Variants in PTPRD observed in about 807,000 individuals in gnomAD.
The protein encoded by PTPRD is protein tyrosine phosphatase receptor type D.
Under a neutral mutation model 214.5 loss-of-function variants are expected in PTPRD, and 34 were observed. The observed-to-expected ratio is 0.16, with a 90% CI of 0.12 to 0.21. The LOEUF is 0.21. PTPRD is among the 10% of genes least tolerant of loss of function. The pLI is 1.00. For missense variants in PTPRD, 2,545 were observed against 2,398.7 expected (o/e 1.06, Z -1.27); for synonymous variants, 1,128 against 845.7 (o/e 1.33, Z -5.79).
intron 8 of PTPRD, among the ~76,000 whole-genome samples, chr9:9,436,987 C>A (rs767854919): frequency 3.9e-5 from 6 of 152,012 alleles, no homozygotes; most frequent in Non-Finnish European, 8.8e-5. Flanking sequence ...CTTTCTTCAC[C>A]CTTCTATCCG....
chr9:9,635,064 C>A (rs1269313000), intron 7 of PTPRD, among the ~76,000 whole-genome samples: 2 of 152,058 alleles, frequency 1.3e-5, no homozygotes, highest in African/African-American at 4.8e-5. Context: ...TAGGACATAT[C>A]CTTACTATTT....
Position 10,375,068 on chromosome 9 carries a change from TTCTTTATGTAAA to T in PTPRD, c.-599-34063_-599-34052del, listed in dbSNP as rs137957974. On this transcript the variant is annotated intron_variant, in intron 2 of 45. Transcript: ENST00000381196. ...ACTGGGTTGCTTATATTAAAATAGG[TTCTTTATGTAAA>T]TTGGCTGGATCAATAAGCAAGGTTC... 6.1e-3 allele frequency among the ~76,000 whole-genome samples: 924 copies of T among 152,126 alleles called. 5 individuals carry two copies. The highest frequency in any genetic ancestry group is 8.7e-3 in the Non-Finnish European group (591 of 67,962).
At chr9:10,408,370 T>C (rs2098398567) in intron 2 of PTPRD, among the ~76,000 whole-genome samples, 2 of 151,618 alleles carry the variant, frequency 1.3e-5, no homozygotes, top group South Asian at 2.1e-4. Context: ...TCTTTCACTA[T>C]GTCCATGGAT....
intron 9 of PTPRD, among the ~76,000 whole-genome samples, chr9:9,222,018 A>G (rs944528856): frequency 3.3e-5 from 5 of 152,240 alleles, no homozygotes; most frequent in African/African-American, 9.6e-5. Context: ...AAAATTCATA[A>G]TAAAAGCAAG....
intron 3 of PTPRD, among the ~76,000 whole-genome samples, chr9:10,112,375 G>T (rs2098698500): frequency 6.6e-6 from 1 of 151,972 alleles, no homozygotes; most frequent in African/African-American, 2.4e-5. Context: ...AAAACAAATG[G>T]GCATATTATT....
At chr9:9,112,615 G>A (rs1167926098) in intron 10 of PTPRD, among the ~76,000 whole-genome samples, 2 of 152,074 alleles carry the variant, frequency 1.3e-5, no homozygotes, top group Non-Finnish European at 2.9e-5. Flanking sequence ...TGCAAACCTC[G>A]ACTAATTCTC....
chr9:9,496,374 A>C (rs2096188029), intron 8 of PTPRD, among the ~76,000 whole-genome samples: 1 of 152,132 alleles, frequency 6.6e-6, no homozygotes, highest in East Asian at 1.9e-4. Context: ...GAACTCCTAA[A>C]ACTCAACAAC....
intron 12 of PTPRD, among the ~76,000 whole-genome samples, chr9:8,653,677 C>G (rs749854013): frequency 7.2e-5 from 11 of 152,172 alleles, no homozygotes; most frequent in Admixed American, 2.0e-4. Flanking sequence ...CTTCACTACT[C>G]TCCAGCAATC....
In PTPRD at chr9:8,507,357, A is replaced by T; in HGVS notation, c.1621T>A (p.Ser541Thr). ...AGTTCATAGTTGGCAATGGTATCTG[A>T]ACGTGGAGGTGTCCAAGAGAGCAAA... ...SILLSWTPPR[S>T]DTIANYELVY... Residue 541 changes from serine (S) to threonine (T), a missense_variant, in exon 22 of 46, where the codon TCA (serine) becomes ACA (threonine). Ser to Thr is a moderately conservative substitution (Grantham distance 58). Coordinates refer to ENST00000381196, the MANE Select transcript of PTPRD (RefSeq NM_002839.4). The T allele has an allele frequency of 6.2e-7, 1 of 1,613,998 alleles. No homozygotes were observed.
chr9:9,477,256 G>A (rs934123117), intron 8 of PTPRD, among the ~76,000 whole-genome samples: 3 of 152,138 alleles, frequency 2.0e-5, no homozygotes, highest in Admixed American at 6.5e-5. Flanking sequence ...ACTACCTTCA[G>A]TTCTGATGTG....
intron 2 of PTPRD, among the ~76,000 whole-genome samples, chr9:10,550,211 A>AT (rs1318124167): frequency 6.6e-6 from 1 of 152,220 alleles, no homozygotes; most frequent in African/African-American, 2.4e-5. Flanking sequence ...ATTCTTCACT[A>AT]TCCACAAGTC....
At chr9:9,003,991 C>T (rs1420064217) in intron 11 of PTPRD, among the ~76,000 whole-genome samples, 9 of 152,042 alleles carry the variant, frequency 5.9e-5, no homozygotes, top group Non-Finnish European at 1.3e-4. Flanking sequence ...GGTCTCATCT[C>T]ACTATAAATC....
intron 2 of PTPRD, among the ~76,000 whole-genome samples, chr9:10,424,081 T>C (rs1369619235): frequency 2.0e-5 from 3 of 151,986 alleles, no homozygotes; most frequent in African/African-American, 2.4e-5. Flanking sequence ...CATTAAAACA[T>C]TTTGTTTGAG....
intron 4 of PTPRD, among the ~76,000 whole-genome samples, chr9:9,956,341 G>C (rs550845582): frequency 2.0e-5 from 3 of 151,010 alleles, no homozygotes; most frequent in Non-Finnish European, 4.4e-5. Context: ...GTAGTGTAGT[G>C]ATTTAATTGA....
intron 10 of PTPRD, among the ~76,000 whole-genome samples, chr9:9,159,563 C>G (rs2099884528): frequency 6.6e-6 from 1 of 152,032 alleles, no homozygotes; most frequent in Non-Finnish European, 1.5e-5. Flanking sequence ...AAAGAAAATA[C>G]AAATCAGTAG....
At chr9:9,659,565 T>A (rs2096584080) in intron 7 of PTPRD, among the ~76,000 whole-genome samples, 1 of 152,002 alleles carries the variant, frequency 6.6e-6, no homozygotes, top group Non-Finnish European at 1.5e-5. Context: ...AAGTTGAGAA[T>A]TACTGTTACA....
At chr9:9,315,899 C>T (rs189102311) in intron 9 of PTPRD, among the ~76,000 whole-genome samples, 12 of 142,186 alleles carry the variant, frequency 8.4e-5, no homozygotes, top group Admixed American at 2.9e-4. Flanking sequence ...AGAACCTCAG[C>T]TACGGAAAGC....
intron 14 of PTPRD, among the ~76,000 whole-genome samples, chr9:8,545,495 G>GTT (rs2079822638): frequency 6.6e-6 from 1 of 152,174 alleles, no homozygotes; most frequent in African/African-American, 2.4e-5. Context: ...GGAAAACCAT[G>GTT]TATCTTGATA....
chr9:9,211,338 G>C (rs2099948451), intron 9 of PTPRD, among the ~76,000 whole-genome samples: 2 of 152,156 alleles, frequency 1.3e-5, no homozygotes, highest in African/African-American at 4.8e-5. Context: ...TAAAATGAGA[G>C]TGATAATAGG....
Sources: gnomAD v4.1 joint callset for allele counts (sites outside exome capture counted in the v4.1 genomes callset) on GRCh38, gnomAD v4.1.1 for gene constraint, MANE v1.5 for transcripts, NCBI Gene and HGNC (gene_info 2026-07-23, HGNC 2026-07-21) for gene names.